The following KCNH3 variants were observed in gnomAD, a reference collection of about 807,000 sequenced individuals.
KCNH3 encodes voltage-gated inwardly rectifying potassium channel KCNH3.
A neutral mutation model predicts 95.6 loss-of-function variants in KCNH3; 36 were observed. The observed-to-expected ratio is 0.38, with a 90% CI of 0.29 to 0.50. The LOEUF (loss-of-function observed/expected upper bound fraction) is 0.50. Ranked by LOEUF, KCNH3 falls within the 20% of genes least tolerant of loss-of-function variation. The probability of loss-of-function intolerance (pLI) is 0.95; values close to 1 mark genes in which losing one functional copy is unlikely to be tolerated. For synonymous variants in KCNH3, 620 were observed against 646.3 expected (o/e 0.96, Z 0.62); for missense variants, 1,030 against 1,484.1 (o/e 0.69, Z 5.03).
chr12:49,549,572 C>T lies in KCNH3; in HGVS notation c.1600C>T (p.Leu534Phe), dbSNP rs755002735. Residue 534 changes from leucine (L) to phenylalanine (F), a missense_variant, in exon 9 of 15, where the codon CTC becomes TTC. By Grantham distance (22) the Leu-to-Phe change is conservative. Around this residue, in one of 9 missense-constraint regions of KCNH3, gnomAD observed 160 missense variants for 316.2 expected, o/e 0.51. Coordinates refer to ENST00000257981, the MANE Select transcript of KCNH3 (RefSeq NM_012284.3). ...CCGCATCCACCGTATCCCCAAGCCC[C>T]TCAAGCAGCGCATGCTGGAGTACTT... is the stretch of plus-strand genomic sequence containing the variant. Reference protein sequence around the residue: ...YIRIHRIPKPLKQRMLEYFQA... With the variant: ...YIRIHRIPKPFKQRMLEYFQA... 1 of 1,613,364 alleles carries T rather than the reference C, an allele frequency of 6.2e-7. No homozygotes were observed. Among genetic ancestry groups the T allele is most frequent in the East Asian group, 2.2e-5 (1 of 44,886 alleles).
chr12:49,553,075 T>C (rs1166229742), intron 10 of KCNH3, among the ~76,000 whole-genome samples: 1 of 152,112 alleles, frequency 6.6e-6, no homozygotes, highest in Non-Finnish European at 1.5e-5. Flanking sequence ...TGGCGGTGGT[T>C]GAGCTGCCTT....
rs757652017 is a variant in KCNH3 at position 49,544,295 on chromosome 12, G to T, written c.1102G>T (p.Ala368Ser). The change falls in exon 7 of 15, where the codon GCC (alanine) becomes TCC (serine). Residue 368 changes from alanine to serine, a missense_variant. By Grantham distance (99) the Ala-to-Ser change is moderately conservative. Coordinates refer to ENST00000257981, the MANE Select transcript of KCNH3 (RefSeq NM_012284.3). ...GCTGACACTGCTCATGGCCGTGTTC[G>T]CCCTGCTCGCGCACTGGGTCGCCTG... ...VVLTLLMAVF[A>S]LLAHWVACVW... The T allele has an allele frequency of 3.1e-6, 5 of 1,612,526 alleles. No individual in the cohort carries two copies. The highest frequency in any genetic ancestry group is 1.7e-5 in the Admixed American group (1 of 59,978).
In KCNH3 at chr12:49,558,060, C is replaced by T. The variant is rs1225969032; in HGVS notation, c.*107C>T. ...GCCTCCCCACGGACTCCATGCGGCC[C>T]GCTGGCTCAGGGCAGGGAGCCTGGA... is the stretch of plus-strand genomic sequence containing the variant. On this transcript the variant is annotated 3_prime_UTR_variant, in exon 15 of 15. Coordinates refer to ENST00000257981, the MANE Select transcript of KCNH3 (RefSeq NM_012284.3). 1.2e-5 allele frequency: 15 copies of T among 1,296,622 alleles called. No homozygotes were observed. Among genetic ancestry groups the T allele is most frequent in the Non-Finnish European group, 1.5e-5 (15 of 986,930 alleles). The allele number at this position is 1,296,622 out of a possible 1,614,324, so 80.3% of individuals were successfully genotyped here.
chr12:49,558,202 G>A lies in KCNH3; in HGVS notation c.*249G>A. On this transcript the variant is annotated 3_prime_UTR_variant, in exon 15 of 15. Coordinates refer to ENST00000257981, the MANE Select transcript of KCNH3 (RefSeq NM_012284.3). The stretch of plus-strand genomic sequence containing the variant: ...TCTCCCTCTGCAGGCTGGGGGCAGA[G>A]GCCTGAGGACAAGGAAGAGCTTTGC... The A allele has an allele frequency of 2.4e-6, 1 of 409,902 alleles. No individual in the cohort carries two copies. The highest frequency in any genetic ancestry group is 4.3e-6 in the Non-Finnish European group (1 of 235,278). The allele number at this position is 409,902 out of a possible 1,614,324, so 25.4% of individuals were successfully genotyped here. A position where few individuals can be genotyped will look rare whatever the true frequency, so the allele number is the denominator to read the frequency against.
Position 49,556,395 on chromosome 12 carries a change from T to C in KCNH3, c.2494T>C (p.Cys832Arg). The C allele has an allele frequency of 1.2e-6, 2 of 1,613,836 alleles. No individual in the cohort carries two copies. Among genetic ancestry groups the C allele is most frequent in the Non-Finnish European group, 1.7e-6 (2 of 1,179,734 alleles). Residue 832 changes from cysteine (C) to arginine (R), a missense_variant, in exon 13 of 15, where the codon TGT (cysteine) becomes CGT (arginine). Cys to Arg is a radical substitution (Grantham distance 180, BLOSUM62 -3). Coordinates refer to ENST00000257981, the MANE Select transcript of KCNH3 (RefSeq NM_012284.3). ...PRVVDGIEDG[C>R]GSDQPKFSFR... ...GGTAGTAGATGGCATTGAAGACGGC[T>C]GTGGCTCGGACCAGCCCAAGTTCTC...
intron 10 of KCNH3, among the ~76,000 whole-genome samples, chr12:49,551,119 C>T (rs569006606): frequency 5.3e-5 from 8 of 152,296 alleles, no homozygotes; most frequent in East Asian, 1.9e-4. Context: ...ATCCACCTGG[C>T]GCCAAGTCTC....
intron 6 of KCNH3, 25 bp from the exon 7 acceptor site, chr12:49,544,149 TC>T: frequency 1.9e-6 from 1 of 516,942 alleles, no homozygotes; most frequent in Non-Finnish European, 3.5e-6. Context: ...CCTCCCTCCC[TC>T]CCTCCCTCCC....
chr12:49,539,743 GCT>G lies in KCNH3; in HGVS notation c.76+256_76+257del, dbSNP rs1937806333. Among the ~76,000 whole-genome samples the G allele has an allele frequency of 1.3e-5, 2 of 152,160 alleles. No homozygotes were observed. Among genetic ancestry groups the G allele is most frequent in the Non-Finnish European group, 2.9e-5 (2 of 68,028 alleles). On this transcript the variant is annotated intron_variant, in intron 1 of 14. Transcript: ENST00000257981. The surrounding 1 kb of genome is among the most constrained non-coding windows in gnomAD (Gnocchi z 6.7). The stretch of plus-strand genomic sequence containing the variant: ...AGTCCCTGGGTGTGGGTCCTGGGAT[GCT>G]CTCTGTTAGCCGGGTCTCGAACCCG...
intron 9 of KCNH3, 50 bp from the exon 10 acceptor site, chr12:49,550,029 TC>T: frequency 6.6e-7 from 1 of 1,523,054 alleles, no homozygotes. Context: ...GGAGGCCACC[TC>T]CTCTTCTGCC....
chr12:49,549,263 G>A (rs992310039), intron 8 of KCNH3, 90 bp downstream of exon 8: 5 of 1,485,910 alleles, frequency 3.4e-6, no homozygotes, highest in East Asian at 2.3e-5. Context: ...GCCTGAGGCC[G>A]GGGGCTCTTC....
At chr12:49,549,362 G>A in intron 8 of KCNH3, 79 bp from the exon 9 acceptor site, 2 of 1,545,550 alleles carry the variant, frequency 1.3e-6, no homozygotes, top group Non-Finnish European at 8.9e-7. Flanking sequence ...GAGCGTGCGG[G>A]CCGAGGACAG....
At chr12:49,544,434 T>C in intron 7 of KCNH3, 52 bp downstream of exon 7, 2 of 1,572,536 alleles carry the variant, frequency 1.3e-6, no homozygotes, top group East Asian at 2.2e-5. Flanking sequence ...GTCAGAGGAG[T>C]GTGAGTGCCA....
chr12:49,543,256 C>T lies in KCNH3; in HGVS notation c.580-19C>T, dbSNP rs1333960525. 3.7e-6 allele frequency: 6 copies of T among 1,611,504 alleles called. No homozygotes were observed. The highest frequency in any genetic ancestry group is 5.1e-6 in the Non-Finnish European group (6 of 1,179,276). On this transcript the variant is annotated intron_variant, in intron 4 of 14. Transcript: ENST00000257981. ...CAATATTCTTTCCTCTCTGCCTGGA[C>T]CTGCCCTGCCTCACTCAGGGGGTGT...
Position 49,558,209 on chromosome 12 carries a change from G to A in KCNH3, c.*256G>A. The A allele has an allele frequency of 4.9e-6, 2 of 405,026 alleles. No homozygotes were observed. The highest frequency in any genetic ancestry group is 6.3e-4 in the Middle Eastern group (1 of 1,584). The allele number at this position is 405,026 out of a possible 1,614,324, so 25.1% of individuals were successfully genotyped here. A position where few individuals can be genotyped will look rare whatever the true frequency, so the allele number is the denominator to read the frequency against. On this transcript the variant is annotated 3_prime_UTR_variant, in exon 15 of 15. Coordinates refer to ENST00000257981, the MANE Select transcript of KCNH3 (RefSeq NM_012284.3). ...CTGCAGGCTGGGGGCAGAGGCCTGA[G>A]GACAAGGAAGAGCTTTGCCATCCCC... is the stretch of plus-strand genomic sequence containing the variant.
intron 5 of KCNH3, 95 bp from the exon 6 acceptor site, chr12:49,543,820 G>A: frequency 6.8e-7 from 1 of 1,477,254 alleles, no homozygotes; most frequent in Non-Finnish European, 9.3e-7. Flanking sequence ...GAAGGGCCGG[G>A]GACAGTGTCA....
rs1194828870 is a variant in KCNH3, at chr12:49,539,104, C to T, written c.-313C>T. 1 of 152,518 alleles carries T rather than the reference C, an allele frequency of 6.6e-6. No individual in the cohort carries two copies. Among genetic ancestry groups the T allele is most frequent in the African/African-American group, 2.4e-5 (1 of 41,438 alleles). The allele number at this position is 152,518 out of a possible 1,614,324, so 9.4% of individuals were successfully genotyped here. ...CCGAGCGAAGCCGAGCGGAAGCCCA[C>T]CCGCAGCCGACACGCGAGCCGCTGC... is the stretch of plus-strand genomic sequence containing the variant. On this transcript the variant is annotated 5_prime_UTR_variant, in exon 1 of 15. Coordinates refer to ENST00000257981, the MANE Select transcript of KCNH3 (RefSeq NM_012284.3). This position sits in a 1 kb window ranked among gnomAD's most constrained non-coding sequence, Gnocchi z 6.7.
At position 49,555,615 on chromosome 12, in the gene KCNH3, C is replaced by T. The variant is rs753355393; in HGVS notation, c.2137-5C>T. On this transcript the variant is annotated splice_region_variant and splice_polypyrimidine_tract_variant and intron_variant, in intron 11 of 14. Transcript: ENST00000257981. The stretch of plus-strand genomic sequence containing the variant: ...TGCCGATTCCCTGTCCCTCACTATC[C>T]CTAGGTGGACACCAGCTCCCTGAGC... 1.3e-6 allele frequency: 2 copies of T among 1,528,330 alleles called. No homozygotes were observed. Among genetic ancestry groups the T allele is most frequent in the South Asian group, 1.3e-5 (1 of 78,366 alleles). 94.7% of individuals were successfully genotyped at this position (1,528,330 alleles called of 1,614,324 possible).
chr12:49,555,437 ACT>A (rs376856737), intron 11 of KCNH3, among the ~76,000 whole-genome samples, 181 bp from the exon 12 acceptor site: 3,501 of 145,496 alleles, frequency 0.024, 52 homozygotes, highest in East Asian at 0.052. Context: ...ACAGAGTAAG[ACT>A]CTGTCTCAAA....
At chr12:49,541,250 C>A in intron 2 of KCNH3, 118 bp downstream of exon 2, 1 of 763,326 alleles carries the variant, frequency 1.3e-6, no homozygotes, top group Non-Finnish European at 2.1e-6. Flanking sequence ...CCATGTCATC[C>A]CATCTTCCCA....
Sources: allele counts gnomAD v4.1 joint callset (sites outside exome capture counted in the v4.1 genomes callset), GRCh38; gene constraint gnomAD v4.1.1; regional missense constraint gnomAD v4.1.1; non-coding constraint Gnocchi (gnomAD v3.1); transcripts MANE v1.5; gene names NCBI Gene and HGNC (gene_info 2026-07-23, HGNC 2026-07-21).